The following MPDZ variants were observed in gnomAD, a reference collection of about 807,000 sequenced individuals.
MPDZ encodes the protein multiple PDZ domain protein.
In MPDZ, 234 loss-of-function variants were observed where a neutral mutation model predicts 239.1. The observed-to-expected ratio is 0.98, with a 90% CI of 0.88 to 1.09. The LOEUF is 1.09. MPDZ is among the 50% of genes least tolerant of loss of function. The pLI is 0.00. For synonymous variants in MPDZ, 1,048 were observed against 881.3 expected, an observed-to-expected ratio of 1.19 and a Z score of -3.35; for missense variants, 3,175 against 2,510.0, an observed-to-expected ratio of 1.26 and a Z score of -5.66.
At chr9:13,191,590 T>A (rs762978152) in intron 15 of MPDZ, among the ~76,000 whole-genome samples, 9 of 152,160 alleles carry the variant, frequency 5.9e-5, no homozygotes, top group Non-Finnish European at 1.2e-4. Context: ...GGATAGTATG[T>A]AAACAAGTAA....
chr9:13,277,611 C>G (rs1974528566), intron 1 of MPDZ, among the ~76,000 whole-genome samples: 1 of 152,120 alleles, frequency 6.6e-6, no homozygotes, highest in Non-Finnish European at 1.5e-5. Context: ...GTCACCCAGG[C>G]CGGAGTGCAG....
intron 38 of MPDZ, 145 bp downstream of exon 38, chr9:13,121,594 A>G (rs776733055): frequency 2.5e-6 from 2 of 801,704 alleles, no homozygotes; most frequent in Admixed American, 2.8e-5. Context: ...ATGTCTTTTT[A>G]TGGTTCCTTA....
intron 22 of MPDZ, among the ~76,000 whole-genome samples, chr9:13,163,261 A>C (rs762422246): frequency 6.6e-6 from 1 of 152,198 alleles, no homozygotes; most frequent in Non-Finnish European, 1.5e-5. Flanking sequence ...ATAATACATA[A>C]TTAATTCTAG....
chr9:13,164,678 C>T (rs1950852065), intron 22 of MPDZ, among the ~76,000 whole-genome samples: 1 of 151,870 alleles, frequency 6.6e-6, no homozygotes, highest in South Asian at 2.1e-4. Context: ...TTTTATTTTA[C>T]CGAAAGGTGA....
chr9:13,171,077 C>A (rs1300360844), intron 21 of MPDZ, among the ~76,000 whole-genome samples: 1 of 152,160 alleles, frequency 6.6e-6, no homozygotes, highest in African/African-American at 2.4e-5. Flanking sequence ...TAACCTCACA[C>A]AGAGCCTCAG....
chr9:13,242,807 C>A (rs1344708004), intron 3 of MPDZ, among the ~76,000 whole-genome samples: 1 of 152,094 alleles, frequency 6.6e-6, no homozygotes, highest in African/African-American at 2.4e-5. Flanking sequence ...ACATTATAAG[C>A]CCAGTCATTT....
At chr9:13,173,676 G>T (rs554969531) in intron 21 of MPDZ, among the ~76,000 whole-genome samples, 8 of 150,798 alleles carry the variant, frequency 5.3e-5, no homozygotes, top group Non-Finnish European at 1.2e-4. Flanking sequence ...CTGCACTGCA[G>T]CCTGGGCAAC....
Position 13,143,507 on chromosome 9 carries a change from T to C in MPDZ, c.3799A>G (p.Thr1267Ala). 3 of 1,613,118 alleles carry C rather than the reference T, an allele frequency of 1.9e-6. No individual in the cohort carries two copies. The highest frequency in any genetic ancestry group is 2.5e-6 in the Non-Finnish European group (3 of 1,179,240). The change falls in exon 27 of 47, where the codon ACT becomes GCT. Residue 1267 changes from threonine to alanine, a missense_variant. Physicochemically the swap from Thr to Ala is moderately conservative, Grantham distance 58. Transcript: ENST00000319217. ...NLYPKYNFSS[T>A]NPFADSLQIN... ...TGTAGAGAGTCAGCAAATGGGTTAG[T>C]GCTGCTGAAGTTGTACTTAGGGTAA...
chr9:13,167,414 G>T (rs2133862033), intron 22 of MPDZ, among the ~76,000 whole-genome samples: 1 of 152,084 alleles, frequency 6.6e-6, no homozygotes, highest in South Asian at 2.1e-4. Context: ...GCTCCAAATG[G>T]TATATACTTT....
intron 38 of MPDZ, among the ~76,000 whole-genome samples, chr9:13,121,271 T>C (rs1417136770): frequency 6.6e-6 from 1 of 152,134 alleles, no homozygotes; most frequent in East Asian, 1.9e-4. Context: ...AGACACCTTT[T>C]TTCTTGGAAA....
rs530166009 is a variant in MPDZ at position 13,190,855 on chromosome 9, A to C, written c.1969-556T>G. ...AAGCAGCTTGAATATTTAAAATTTG[A>C]ATTACATTGAGCAATATTCATCAAC... On this transcript the variant is annotated intron_variant, in intron 15 of 46. Transcript: ENST00000319217. 9.9e-5 allele frequency among the ~76,000 whole-genome samples: 15 copies of C among 152,272 alleles called. No homozygotes were observed. In the South Asian group the frequency reaches 3.1e-3, roughly 32 times the overall value.
intron 46 of MPDZ, among the ~76,000 whole-genome samples, chr9:13,107,379 A>G (rs979994942): frequency 6.6e-6 from 1 of 152,242 alleles, no homozygotes; most frequent in Non-Finnish European, 1.5e-5. Context: ...TGTTCAGCAC[A>G]GCAGTTGGTG....
At chr9:13,180,626 G>T (rs997684953) in intron 19 of MPDZ, among the ~76,000 whole-genome samples, 12 of 152,102 alleles carry the variant, frequency 7.9e-5, no homozygotes, top group Admixed American at 5.2e-4. Context: ...TCTGCATTTT[G>T]TCATATCTTT....
At chr9:13,134,581 C>G (rs939505293) in intron 31 of MPDZ, 5 of 152,178 alleles carry the variant, frequency 3.3e-5, no homozygotes, top group Non-Finnish European at 7.3e-5. Context: ...CACCAAAGTT[C>G]CTCTAATTTT....
At chr9:13,180,974 G>C (rs922055133) in intron 19 of MPDZ, among the ~76,000 whole-genome samples, 2 of 152,170 alleles carry the variant, frequency 1.3e-5, no homozygotes, top group Admixed American at 6.6e-5. Flanking sequence ...TGAAGAGCGA[G>C]GCCTCCCTCT....
intron 36 of MPDZ, 121 bp from the exon 37 acceptor site, chr9:13,122,291 T>C: frequency 1.2e-6 from 1 of 854,742 alleles, no homozygotes; most frequent in Non-Finnish European, 1.8e-6. Flanking sequence ...ACTCTGGCTC[T>C]ACAGTACAAG....
intron 10 of MPDZ, among the ~76,000 whole-genome samples, chr9:13,215,255 C>T (rs576318022): frequency 6.6e-6 from 1 of 151,696 alleles, no homozygotes; most frequent in East Asian, 1.9e-4. Context: ...GCATAATGTC[C>T]TCAAGGTTTT....
At chr9:13,113,260 A>T (rs1408950999) in intron 41 of MPDZ, among the ~76,000 whole-genome samples, 1 of 152,140 alleles carries the variant, frequency 6.6e-6, no homozygotes, top group African/African-American at 2.4e-5. Context: ...ATACCATCCC[A>T]TTCTTCCTTC....
intron 23 of MPDZ, among the ~76,000 whole-genome samples, chr9:13,160,912 T>A (rs1950407304): frequency 7.2e-6 from 1 of 139,412 alleles, no homozygotes; most frequent in Admixed American, 7.5e-5. Flanking sequence ...TTAGGTATTA[T>A]AAGGAATCTA....
Sources: allele counts gnomAD v4.1 joint callset (sites outside exome capture counted in the v4.1 genomes callset), GRCh38; gene constraint gnomAD v4.1.1; transcripts MANE v1.5; gene names NCBI Gene and HGNC (gene_info 2026-07-23, HGNC 2026-07-21).